MATN2: variants seen among roughly 807,000 people sequenced by gnomAD.
MATN2 encodes the protein matrilin-2.
Under a neutral mutation model 103.2 loss-of-function variants are expected in MATN2, and 69 were observed. The observed-to-expected ratio is 0.67, with a 90% CI of 0.55 to 0.82. The LOEUF (loss-of-function observed/expected upper bound fraction) is 0.82. Among genes scored for constraint, MATN2 ranks in the 40% least tolerant of loss-of-function variants. The probability of loss-of-function intolerance (pLI) is 0.00; values close to 1 mark genes in which losing one functional copy is unlikely to be tolerated. For missense variants in MATN2, 1,023 were observed against 1,211.5 expected (o/e 0.84, Z 2.31); for synonymous variants, 429 against 450.2 (o/e 0.95, Z 0.60).
chr8:97,914,358 C>CTTTT (rs149996231), intron 2 of MATN2, among the ~76,000 whole-genome samples: 13 of 52,936 alleles, frequency 2.5e-4, no homozygotes, highest in Non-Finnish European at 3.2e-4. Context: ...AAATCCAGAC[C>CTTTT]TTTTTTTTTT....
chr8:97,938,866 A>G (rs76215498), intron 3 of MATN2, among the ~76,000 whole-genome samples: 3,016 of 152,108 alleles, frequency 0.02, 104 homozygotes, highest in African/African-American at 0.066. Flanking sequence ...TTCTGTTTAA[A>G]AACATCTTAT....
chr8:97,991,677 G>A (rs1243775664), intron 6 of MATN2, among the ~76,000 whole-genome samples: 4 of 151,672 alleles, frequency 2.6e-5, no homozygotes, highest in Admixed American at 6.6e-5. Context: ...AGCTGAGATC[G>A]TGCCACTGCA....
At chr8:97,920,214 G>T (rs535906955) in intron 2 of MATN2, among the ~76,000 whole-genome samples, 1 of 152,118 alleles carries the variant, frequency 6.6e-6, no homozygotes, top group Non-Finnish European at 1.5e-5. Flanking sequence ...ATGTATGTAT[G>T]TATTTATTTA....
intron 1 of MATN2, among the ~76,000 whole-genome samples, chr8:97,885,188 T>C (rs1393669268): frequency 6.6e-6 from 1 of 152,224 alleles, no homozygotes; most frequent in Admixed American, 6.5e-5. Context: ...GGAGTGGAAG[T>C]GGGCCTTGAG....
intron 2 of MATN2, among the ~76,000 whole-genome samples, chr8:97,917,233 T>C (rs1292864270): frequency 6.6e-6 from 1 of 152,216 alleles, no homozygotes; most frequent in African/African-American, 2.4e-5. Context: ...TCTATCTCCA[T>C]GGGCAGATGG....
intron 4 of MATN2, among the ~76,000 whole-genome samples, chr8:97,960,378 G>T (rs1164356397): frequency 4.0e-5 from 6 of 150,120 alleles, no homozygotes; most frequent in Admixed American, 2.0e-4. Context: ...TGGTATCCAA[G>T]CTGTTCTCCT....
intron 2 of MATN2, among the ~76,000 whole-genome samples, chr8:97,928,218 CTTTTTTTTTTTT>C (rs34226792): frequency 1.1e-5 from 1 of 89,300 alleles, no homozygotes; most frequent in African/African-American, 4.5e-5. Flanking sequence ...GCACTCCTGC[CTTTTTTTTTTTT>C]TTTTTTTTTT....
In MATN2 at chr8:97,923,206, T is replaced by TCATAAA. The variant is rs201597272; in HGVS notation, c.143-7746_143-7741dup. 7.2e-3 allele frequency among the ~76,000 whole-genome samples: 1,096 copies of TCATAAA among 152,214 alleles called. 14 individuals are homozygous for TCATAAA. Among genetic ancestry groups the TCATAAA allele is most frequent in the African/African-American group, 0.025 (1,048 of 41,530 alleles). ...TCTCTCTCTCTCTGTTCTTCTCTCA[T>TCATAAA]CATAAAACAGCTTCAACTTTTCTCC... On this transcript the variant is annotated intron_variant, in intron 2 of 18. Transcript: ENST00000254898.
intron 13 of MATN2, chr8:98,025,845 A>C (rs1337182245): frequency 2.8e-6 from 1 of 359,526 alleles, no homozygotes; most frequent in Admixed American, 3.8e-5. Context: ...ATTGCTTAAC[A>C]TAAAGCTTTT....
chr8:97,935,172 C>T (rs973171713), intron 3 of MATN2, among the ~76,000 whole-genome samples: 2 of 152,154 alleles, frequency 1.3e-5, no homozygotes, highest in African/African-American at 4.8e-5. Context: ...AACCCTCTCA[C>T]ATCAGCCTCC....
intron 2 of MATN2, among the ~76,000 whole-genome samples, chr8:97,897,615 T>TA (rs939320494): frequency 6.6e-6 from 1 of 152,224 alleles, no homozygotes; most frequent in Non-Finnish European, 1.5e-5. Context: ...ACGTTTGTTT[T>TA]AAAATTTTTT....
intron 2 of MATN2, among the ~76,000 whole-genome samples, chr8:97,922,953 A>G (rs180969503): frequency 8.3e-4 from 127 of 152,296 alleles, no homozygotes; most frequent in African/African-American, 2.9e-3. Context: ...CCTGGCATAC[A>G]ATAGGTATGT....
At position 97,980,558 on chromosome 8, in the gene MATN2, C is replaced by CTTTTTTTTTTTTTTTT. The variant is rs71570278; in HGVS notation, c.1081+1559_1081+1574dup. On this transcript the variant is annotated intron_variant, in intron 6 of 18. Coordinates refer to ENST00000254898, the MANE Select transcript of MATN2 (RefSeq NM_002380.5). ...GCCTACTGCATAGCATTATTCTTTCCTTTTTTTTTTTTTTTTTTTTTTTTG... is the reference window on the plus strand; with the variant it reads ...GCCTACTGCATAGCATTATTCTTTCCTTTTTTTTTTTTTTTTTTTTTTTTTTTTTTTTTTTTTTTTG... Among the ~76,000 whole-genome samples, 2 of 94,094 alleles carry CTTTTTTTTTTTTTTTT rather than the reference C, an allele frequency of 2.1e-5. 1 individual carries two copies. Among genetic ancestry groups the CTTTTTTTTTTTTTTTT allele is most frequent in the African/African-American group, 9.2e-5 (2 of 21,814 alleles). The allele number at this position is 94,094 out of a possible 152,430, so 61.7% of individuals were successfully genotyped here.
At chr8:97,950,201 G>T (rs1426710516) in intron 4 of MATN2, among the ~76,000 whole-genome samples, 3 of 152,196 alleles carry the variant, frequency 2.0e-5, no homozygotes, top group Non-Finnish European at 4.4e-5. Context: ...TCAGAACAAG[G>T]TTTCGGAAGT....
intron 1 of MATN2, among the ~76,000 whole-genome samples, chr8:97,869,528 G>A (rs1185383920): frequency 6.6e-6 from 1 of 152,138 alleles, no homozygotes; most frequent in Admixed American, 6.5e-5. Flanking sequence ...CGCTCCCTGC[G>A]CAGGACAAGC....
chr8:97,979,601 A>G (rs1373872332), intron 6 of MATN2, among the ~76,000 whole-genome samples: 1 of 152,236 alleles, frequency 6.6e-6, no homozygotes, highest in Non-Finnish European at 1.5e-5. Flanking sequence ...GATAATAACT[A>G]GTTACAAAAA....
chr8:97,876,568 C>G (rs1818078656), intron 1 of MATN2, among the ~76,000 whole-genome samples: 1 of 152,142 alleles, frequency 6.6e-6, no homozygotes, highest in Non-Finnish European at 1.5e-5. Flanking sequence ...AAGCAATCTG[C>G]TCGGCTCAGC....
Position 98,027,516 on chromosome 8 carries a change from T to C in MATN2, c.2043T>C (p.Ile681=). 6.2e-7 allele frequency: 1 copy of C among 1,613,870 alleles called. No individual in the cohort carries two copies. The change falls in exon 14 of 19, where the codon ATT becomes ATC. Residue 681 remains isoleucine (I), a synonymous_variant. Coordinates refer to ENST00000254898, the MANE Select transcript of MATN2 (RefSeq NM_002380.5). ...FEVVKQFVTG[I]IDSLTISPKA... ...TCGTGAAGCAGTTTGTCACTGGAAT[T>C]ATAGATTCCTTGACAATTTCCCCCA...
chr8:97,964,077 A>T (rs1246952639), intron 5 of MATN2, among the ~76,000 whole-genome samples: 1 of 152,146 alleles, frequency 6.6e-6, no homozygotes, highest in East Asian at 1.9e-4. Flanking sequence ...AGGGGGAGAG[A>T]TGAAGGGCAG....
Sources: gnomAD v4.1 joint callset for allele counts (sites outside exome capture counted in the v4.1 genomes callset) on GRCh38, gnomAD v4.1.1 for gene constraint, MANE v1.5 for transcripts, NCBI Gene and HGNC (gene_info 2026-07-23, HGNC 2026-07-21) for gene names.